FAM13A: variants seen among roughly 807,000 people sequenced by gnomAD.
The protein encoded by FAM13A is protein FAM13A.
Under a neutral mutation model 129.6 loss-of-function variants are expected in FAM13A, and 76 were observed. The ratio of observed to expected loss-of-function variants is 0.59; its 90% CI spans 0.49 to 0.71. The LOEUF is 0.71. Ranked by LOEUF, FAM13A falls within the 30% of genes least tolerant of loss-of-function variation. The pLI, the probability that FAM13A is intolerant of heterozygous loss-of-function variation, is 0.00. For synonymous variants in FAM13A, 443 were observed against 449.9 expected, an observed-to-expected ratio of 0.98 and a Z score of 0.20; for missense variants, 1,108 against 1,249.3, an observed-to-expected ratio of 0.89 and a Z score of 1.70.
intron 1 of FAM13A, among the ~76,000 whole-genome samples, chr4:89,051,367 T>C (rs2149183286): frequency 6.6e-6 from 1 of 152,244 alleles, no homozygotes; most frequent in African/African-American, 2.4e-5. Flanking sequence ...GGGCATCACA[T>C]TCATGACCTA....
intron 3 of FAM13A, 97 bp from the exon 4 acceptor site, chr4:88,991,247 A>G: frequency 1.1e-6 from 1 of 911,040 alleles, no homozygotes; most frequent in Non-Finnish European, 1.6e-6. Flanking sequence ...TTATTCAGAA[A>G]AAAACTCTTG....
chr4:88,996,173 G>A (rs1376949184), intron 3 of FAM13A, among the ~76,000 whole-genome samples: 1 of 152,130 alleles, frequency 6.6e-6, no homozygotes, highest in African/African-American at 2.4e-5. Flanking sequence ...GAGAGGGAAA[G>A]GACAGATCAT....
At chr4:88,995,234 A>G (rs1384789168) in intron 3 of FAM13A, among the ~76,000 whole-genome samples, 5 of 150,878 alleles carry the variant, frequency 3.3e-5, no homozygotes, top group Non-Finnish European at 7.4e-5. Context: ...TGTGTCTAAC[A>G]TTCTTTACCA....
At chr4:88,785,545 T>G (rs1041519036) in intron 10 of FAM13A, among the ~76,000 whole-genome samples, 1 of 152,034 alleles carries the variant, frequency 6.6e-6, no homozygotes, top group Non-Finnish European at 1.5e-5. Context: ...GCTGGAAAAC[T>G]ATTTCAAGCA....
In FAM13A at chr4:88,851,038, C is replaced by G; in HGVS notation, c.989G>C (p.Ser330Thr). 1 of 1,613,978 alleles carries G rather than the reference C, an allele frequency of 6.2e-7. No individual in the cohort carries two copies. The highest frequency in any genetic ancestry group is 1.3e-5 in the African/African-American group (1 of 75,014). ...TGCCAACCTGGGTACCAACTTGGCA[C>G]TAATAGCACCCTCTGCTGAATTCAT... is the stretch of plus-strand genomic sequence containing the variant. ...EDMNSAEGAI[S>T]AKLVPSSQED... Residue 330 changes from serine (S) to threonine (T), a missense_variant, in exon 7 of 24, where the codon AGT becomes ACT. Physicochemically the swap from Ser to Thr is moderately conservative, Grantham distance 58. Around this residue, in one of 3 missense-constraint regions of FAM13A, gnomAD observed 566 missense variants for 595.7 expected, o/e 0.95. Coordinates refer to ENST00000264344, the MANE Select transcript of FAM13A (RefSeq NM_014883.4).
intron 4 of FAM13A, among the ~76,000 whole-genome samples, chr4:88,939,984 G>GT (rs1256497148): frequency 2.0e-5 from 3 of 152,188 alleles, no homozygotes; most frequent in Non-Finnish European, 4.4e-5. Flanking sequence ...ATTTGGCACA[G>GT]TAAGATCAAG....
chr4:88,897,316 A>G (rs1409145711), intron 6 of FAM13A, among the ~76,000 whole-genome samples: 2 of 152,236 alleles, frequency 1.3e-5, no homozygotes, highest in African/African-American at 4.8e-5. Context: ...TCCTTGAGCT[A>G]GCAGGGCTGG....
rs750725214 is a variant in FAM13A at position 88,746,982 on chromosome 4, C to T, written c.2416G>A (p.Val806Met). 5.0e-6 allele frequency: 8 copies of T among 1,613,576 alleles called. 1 individual carries two copies. The Admixed American group carries it at 1.2e-4, about 24-fold the overall frequency. Reference sequence around the variant, plus strand: ...TATAACAGAGCTTTCTGCAGAGCCACTTTCTCATTAGCAATCTGGTCTTTG... The same window carrying T: ...TATAACAGAGCTTTCTGCAGAGCCATTTTCTCATTAGCAATCTGGTCTTTG... ...MTKDQIANEK[V>M]ALQKALLYYE... The change falls in exon 19 of 24, where the codon GTG becomes ATG. Residue 806 changes from valine (V) to methionine (M), a missense_variant. Transcript: ENST00000264344.
intron 3 of FAM13A, among the ~76,000 whole-genome samples, chr4:88,999,507 C>T (rs376994036): frequency 3.3e-5 from 5 of 152,160 alleles, no homozygotes; most frequent in East Asian, 3.8e-4. Flanking sequence ...TAAAACTAGG[C>T]TTTCTCCATC....
intron 3 of FAM13A, among the ~76,000 whole-genome samples, chr4:89,004,080 C>T (rs948356183): frequency 1.3e-5 from 2 of 152,086 alleles, no homozygotes; most frequent in African/African-American, 4.8e-5. Context: ...ACCTTGGCAT[C>T]GCAAAATGCT....
intron 4 of FAM13A, among the ~76,000 whole-genome samples, chr4:88,956,447 G>A (rs1204956085): frequency 1.3e-5 from 2 of 152,116 alleles, no homozygotes; most frequent in African/African-American, 2.4e-5. Flanking sequence ...GCTCACGCAT[G>A]TACGAAATTG....
chr4:88,977,924 A>G (rs1332149383), intron 4 of FAM13A, among the ~76,000 whole-genome samples: 1 of 152,214 alleles, frequency 6.6e-6, no homozygotes, highest in African/African-American at 2.4e-5. Context: ...GTATAATATC[A>G]TCTCCAATCA....
At chr4:88,997,288 A>G (rs1470851785) in intron 3 of FAM13A, among the ~76,000 whole-genome samples, 2 of 152,204 alleles carry the variant, frequency 1.3e-5, no homozygotes, top group Non-Finnish European at 2.9e-5. Context: ...AATAGTCATC[A>G]TTTTCTTTGA....
chr4:88,805,746 G>A (rs2149749944), intron 7 of FAM13A, among the ~76,000 whole-genome samples: 1 of 151,906 alleles, frequency 6.6e-6, no homozygotes, highest in South Asian at 2.1e-4. Context: ...ATGGTTCACT[G>A]TAGCCACAAA....
At chr4:88,969,776 A>T (rs1388968298) in intron 4 of FAM13A, among the ~76,000 whole-genome samples, 2 of 152,216 alleles carry the variant, frequency 1.3e-5, no homozygotes, top group Non-Finnish European at 2.9e-5. Flanking sequence ...CTTATTACAG[A>T]GGAGGAAACA....
intron 1 of FAM13A, among the ~76,000 whole-genome samples, chr4:89,054,276 C>A (rs920887442): frequency 7.5e-6 from 1 of 134,014 alleles, no homozygotes; most frequent in Non-Finnish European, 1.6e-5. Context: ...CACACACATA[C>A]AGACACACAA....
intron 13 of FAM13A, among the ~76,000 whole-genome samples, chr4:88,767,062 A>G (rs2149542105): frequency 6.6e-6 from 1 of 152,326 alleles, no homozygotes; most frequent in Middle Eastern, 3.4e-3. Flanking sequence ...GAAGATACAG[A>G]TGACATAAGG....
intron 4 of FAM13A, among the ~76,000 whole-genome samples, chr4:88,972,206 C>T (rs1305534004): frequency 6.6e-6 from 1 of 151,930 alleles, no homozygotes; most frequent in Non-Finnish European, 1.5e-5. Context: ...TTCCTTCTCC[C>T]TAAGAATTTT....
intron 5 of FAM13A, among the ~76,000 whole-genome samples, chr4:88,928,876 CTTTG>C (rs1371507823): frequency 6.6e-6 from 1 of 151,822 alleles, no homozygotes; most frequent in Non-Finnish European, 1.5e-5. Context: ...TTTATAAATT[CTTTG>C]TTTCTTTTTC....
Sources: allele counts gnomAD v4.1 joint callset (sites outside exome capture counted in the v4.1 genomes callset), GRCh38; gene constraint gnomAD v4.1.1; regional missense constraint gnomAD v4.1.1; transcripts MANE v1.5; gene names NCBI Gene and HGNC (gene_info 2026-07-23, HGNC 2026-07-21).